Variants in YIF1B observed in about 807,000 individuals in gnomAD.
The protein encoded by YIF1B is protein YIF1B.
In YIF1B, 24 loss-of-function variants were observed where a neutral mutation model predicts 34.6. The ratio of observed to expected loss-of-function variants is 0.69; its 90% CI spans 0.50 to 0.98. The LOEUF is 0.98. Ranked by LOEUF, YIF1B falls within the 50% of genes least tolerant of loss-of-function variation. The pLI is 0.00. For synonymous variants in YIF1B, 186 were observed against 184.8 expected, an observed-to-expected ratio of 1.01 and a Z score of -0.05; for missense variants, 368 against 429.4, an observed-to-expected ratio of 0.86 and a Z score of 1.26.
upstream of YIF1B, chr19:38,320,137 G>T (rs752663143): frequency 2.5e-6 from 4 of 1,591,448 alleles, no homozygotes; most frequent in African/African-American, 1.3e-5. Context: ...GGACGCCTTC[G>T]TGGAGCGAGT....
In YIF1B at chr19:38,304,227, G is replaced by C. The variant is rs1373235639; in HGVS notation, c.*1125C>G. ...CTCCGCTCCTCTGCAGGGCCCAGGC[G>C]CCCTTGGCCTTAGGACCCAACTTCT... On this transcript the variant is annotated 3_prime_UTR_variant, in exon 8 of 8. Transcript: ENST00000339413. 6.2e-7 allele frequency: 1 copy of C among 1,612,872 alleles called. No homozygotes were observed. Among genetic ancestry groups the C allele is most frequent in the African/African-American group, 1.3e-5 (1 of 75,040 alleles).
upstream of YIF1B, among the ~76,000 whole-genome samples, chr19:38,320,447 C>T (rs1445280401): frequency 2.6e-5 from 4 of 152,306 alleles, no homozygotes; most frequent in African/African-American, 9.6e-5. Context: ...ATCTGCTCTG[C>T]TCGGGGAGCC....
At chr19:38,305,879 G>A (rs1969002034) in intron 7 of YIF1B, among the ~76,000 whole-genome samples, 1 of 152,136 alleles carries the variant, frequency 6.6e-6, no homozygotes, top group Non-Finnish European at 1.5e-5. Context: ...CTGAAGACAC[G>A]CCAGAAATGC....
upstream of YIF1B, chr19:38,320,207 C>T: frequency 1.2e-6 from 2 of 1,603,048 alleles, no homozygotes; most frequent in Non-Finnish European, 1.7e-6. Flanking sequence ...TCCGCCAACG[C>T]CTCGGACCCC....
chr19:38,307,333 TG>T, intron 7 of YIF1B, 94 bp downstream of exon 7: 1 of 1,375,740 alleles, frequency 7.3e-7, no homozygotes, highest in Non-Finnish European at 1.0e-6. Flanking sequence ...AATGTGTCTC[TG>T]GTCTGAACCC....
Position 38,305,126 on chromosome 19 carries a change from A to T in YIF1B, c.*226T>A. On this transcript the variant is annotated 3_prime_UTR_variant, in exon 8 of 8. Transcript: ENST00000339413. ...AGAGGCTGTCCACGCCATGCCCATC[A>T]GGGTTTATTGTTTCTGTAACAGCGG... is the stretch of plus-strand genomic sequence containing the variant. 1.4e-6 allele frequency: 2 copies of T among 1,430,876 alleles called. No homozygotes were observed. The highest frequency in any genetic ancestry group is 1.4e-5 in the African/African-American group (1 of 69,496). 88.6% of individuals were successfully genotyped at this position (1,430,876 alleles called of 1,614,324 possible).
At chr19:38,315,725 GGCATCCC>G (rs775301191) in intron 1 of YIF1B, 128 bp downstream of exon 1, 1 of 1,609,700 alleles carries the variant, frequency 6.2e-7, no homozygotes, top group East Asian at 2.2e-5. Flanking sequence ...ACCCGAACCT[GGCATCCC>G]AGCGCTGTGC....
intron 7 of YIF1B, chr19:38,307,163 A>C: frequency 9.6e-6 from 5 of 521,770 alleles, no homozygotes; most frequent in East Asian, 3.9e-5. Flanking sequence ...GGAGAGTGGA[A>C]TGAGAGTGAG....
Position 38,315,777 on chromosome 19 carries a change from C to T in YIF1B, c.58+83G>A, listed in dbSNP as rs768899888. 2.5e-6 allele frequency: 4 copies of T among 1,593,264 alleles called. No individual in the cohort carries two copies. The East Asian group carries it at 9.2e-5, about 37-fold the overall frequency. On this transcript the variant is annotated intron_variant, in intron 1 of 7. Coordinates refer to ENST00000339413, the MANE Select transcript of YIF1B (RefSeq NM_001039672.3). ...GGTTCCAGATCCTTGATCTCGTGACCTCTGACCTGCAGTGACCTCGCCAAC... is the reference window on the plus strand; with the variant it reads ...GGTTCCAGATCCTTGATCTCGTGACTTCTGACCTGCAGTGACCTCGCCAAC...
rs1294555538 is a variant in YIF1B, at chr19:38,304,444, A to C, written c.*908T>G. On this transcript the variant is annotated 3_prime_UTR_variant, in exon 8 of 8. Transcript: ENST00000339413. ...GGGGGAGATCCCAAGCTCAGTCCCCACAAAGTTCAGGGCCGGTCGGAGGCA... is the reference window on the plus strand; with the variant it reads ...GGGGGAGATCCCAAGCTCAGTCCCCCCAAAGTTCAGGGCCGGTCGGAGGCA... 4 of 1,559,032 alleles carry C rather than the reference A, an allele frequency of 2.6e-6. No homozygotes were observed. The highest frequency in any genetic ancestry group is 3.5e-6 in the Non-Finnish European group (4 of 1,152,134).
chr19:38,309,612 C>T lies in YIF1B; in HGVS notation c.90G>A (p.Pro30=), dbSNP rs146249008. The T allele has an allele frequency of 2.4e-5, 38 of 1,599,206 alleles. No individual in the cohort carries two copies. Among genetic ancestry groups the T allele is most frequent in the Non-Finnish European group, 2.5e-5 (29 of 1,173,770 alleles). ...PSKRRIPVSQ[P]GMADPHQLFD... is the part of the protein sequence containing the mutation. ...AAAGCTGGTGGGGGTCGGCCATGCCCGGCTGGGACACAGGGATCCTCCGCT... is the reference window on the plus strand; with the variant it reads ...AAAGCTGGTGGGGGTCGGCCATGCCTGGCTGGGACACAGGGATCCTCCGCT... The change falls in exon 2 of 8, where the codon CCG becomes CCA. Residue 30 remains proline (P), a synonymous_variant. Coordinates refer to ENST00000339413, the MANE Select transcript of YIF1B (RefSeq NM_001039672.3).
In YIF1B at chr19:38,303,777, C is replaced by A. The variant is rs946070436; in HGVS notation, c.*1575G>T. On this transcript the variant is annotated 3_prime_UTR_variant, in exon 8 of 8. Coordinates refer to ENST00000339413, the MANE Select transcript of YIF1B (RefSeq NM_001039672.3). The stretch of plus-strand genomic sequence containing the variant: ...CACAGCTGGCATCTAGTGCAGCAGG[C>A]TGGCTCCAAGTCTATGCCCCTCACC... Among the ~76,000 whole-genome samples, 1 of 152,224 alleles carries A rather than the reference C, an allele frequency of 6.6e-6. No homozygotes were observed. The highest frequency in any genetic ancestry group is 1.5e-5 in the Non-Finnish European group (1 of 68,040).
intron 5 of YIF1B, among the ~76,000 whole-genome samples, chr19:38,308,289 G>A (rs1969151647): frequency 6.6e-6 from 1 of 152,096 alleles, no homozygotes; most frequent in Admixed American, 6.6e-5. Flanking sequence ...TGGGCAGAGG[G>A]GAGTTGATGT....
chr19:38,320,892 G>C (rs1474644377), upstream of YIF1B, among the ~76,000 whole-genome samples: 1 of 152,116 alleles, frequency 6.6e-6, no homozygotes, highest in Non-Finnish European at 1.5e-5. Flanking sequence ...TTGGTGACCC[G>C]GGTCTGTCCA....
Position 38,304,991 on chromosome 19 carries a change from C to T in YIF1B, c.*361G>A, listed in dbSNP as rs546335416. 1.3e-6 allele frequency: 2 copies of T among 1,574,330 alleles called. No individual in the cohort carries two copies. The highest frequency in any genetic ancestry group is 1.9e-5 in the Admixed American group (1 of 53,204). On this transcript the variant is annotated 3_prime_UTR_variant, in exon 8 of 8. Coordinates refer to ENST00000339413, the MANE Select transcript of YIF1B (RefSeq NM_001039672.3). ...GGGCCCTGGACAGGGCTCATTAAACCTTCCTCTCTGCCTTCTGCGACTGGT... is the reference window on the plus strand; with the variant it reads ...GGGCCCTGGACAGGGCTCATTAAACTTTCCTCTCTGCCTTCTGCGACTGGT...
upstream of YIF1B, among the ~76,000 whole-genome samples, chr19:38,320,449 C>T (rs1260762415): frequency 2.0e-5 from 3 of 152,154 alleles, no homozygotes; most frequent in Admixed American, 2.0e-4. Flanking sequence ...CTGCTCTGCT[C>T]GGGGAGCCCA....
At chr19:38,306,784 C>T (rs1050624785) in intron 7 of YIF1B, 14 of 315,256 alleles carry the variant, frequency 4.4e-5, no homozygotes, top group South Asian at 1.9e-4. Context: ...TGGGTTCAAG[C>T]GATTCTCCTG....
chr19:38,306,648 C>A (rs969522552), intron 7 of YIF1B: 1 of 250,856 alleles, frequency 4.0e-6, no homozygotes, highest in Admixed American at 5.2e-5. Flanking sequence ...GTATCATCAT[C>A]CTATTTTACA....
chr19:38,315,557 G>A, intron 1 of YIF1B: 1 of 1,468,776 alleles, frequency 6.8e-7, no homozygotes, highest in South Asian at 1.4e-5. Flanking sequence ...CAGCAGGCGG[G>A]TACTGGGGAG....
Sources: allele counts gnomAD v4.1 joint callset (sites outside exome capture counted in the v4.1 genomes callset), GRCh38; gene constraint gnomAD v4.1.1; transcripts MANE v1.5; gene names NCBI Gene and HGNC (gene_info 2026-07-23, HGNC 2026-07-21).